The following DMTF1 variants were observed in gnomAD, a reference collection of about 807,000 sequenced individuals.
DMTF1 encodes cyclin-D-binding Myb-like transcription factor 1.
In DMTF1, 39 loss-of-function variants were observed where a neutral mutation model predicts 91.1. The ratio of observed to expected loss-of-function variants is 0.43; its 90% CI spans 0.33 to 0.56. The LOEUF (loss-of-function observed/expected upper bound fraction) is 0.56. Ranked by LOEUF, DMTF1 falls within the 20% of genes least tolerant of loss-of-function variation. DMTF1 has a pLI of 0.05. For synonymous variants in DMTF1, 338 were observed against 309.5 expected, an observed-to-expected ratio of 1.09 and a Z score of -0.97; for missense variants, 750 against 914.5, an observed-to-expected ratio of 0.82 and a Z score of 2.32.
chr7:87,161,093 C>G (rs758061492), intron 1 of DMTF1, among the ~76,000 whole-genome samples: 2 of 151,992 alleles, frequency 1.3e-5, no homozygotes, highest in Non-Finnish European at 2.9e-5. Context: ...GAATCTTGAA[C>G]TGTGTGTGTT....
intron 11 of DMTF1, 144 bp downstream of exon 11, chr7:87,184,769 T>G (rs1798050823): frequency 1.3e-6 from 1 of 769,928 alleles, no homozygotes; most frequent in South Asian, 1.5e-5. Context: ...ATCTTAAGTA[T>G]TTCATATTGA....
rs1208952189 is a variant in DMTF1 at position 87,194,093 on chromosome 7, T to C, written c.2019T>C (p.Tyr673=). 6.3e-6 allele frequency: 10 copies of C among 1,587,618 alleles called. No homozygotes were observed. Among genetic ancestry groups the C allele is most frequent in the South Asian group, 4.6e-5 (4 of 86,470 alleles). ...EESPSDLASA[Y]VTEGLESPTI... ...CACCCTCTGATTTAGCCAGTGCTTA[T>C]GTTACTGAGGTAAGTTGTACTTTAA... The change falls in exon 16 of 18, where the codon TAT becomes TAC. Residue 673 remains tyrosine (Y), a synonymous_variant. Coordinates refer to ENST00000331242, the MANE Select transcript of DMTF1 (RefSeq NM_001142327.2).
At chr7:87,178,300 T>G (rs1465175453) in intron 7 of DMTF1, among the ~76,000 whole-genome samples, 1 of 152,106 alleles carries the variant, frequency 6.6e-6, no homozygotes, top group Non-Finnish European at 1.5e-5. Context: ...TCTAGCAACC[T>G]TGCTAAAATT....
At chr7:87,153,643 A>G (rs1584127975) in intron 1 of DMTF1, among the ~76,000 whole-genome samples, 1 of 152,110 alleles carries the variant, frequency 6.6e-6, no homozygotes, top group Admixed American at 6.5e-5. Flanking sequence ...TTTAATGTAC[A>G]TGGATTTGAT....
Position 87,193,858 on chromosome 7 carries a change from T to G in DMTF1, c.1784T>G (p.Ile595Ser). Residue 595 changes from isoleucine to serine, a missense_variant, in exon 16 of 18, where the codon ATT becomes AGT. Transcript: ENST00000331242. ...GCAGAACTGACAGTCGATAGTGATATTCAGTCATCTGATTTTCCTGAGCCT... is the reference window on the plus strand; with the variant it reads ...GCAGAACTGACAGTCGATAGTGATAGTCAGTCATCTGATTTTCCTGAGCCT... Reference protein sequence around the residue: ...SQAELTVDSDIQSSDFPEPPD... With the variant: ...SQAELTVDSDSQSSDFPEPPD... 2 of 1,613,452 alleles carry G rather than the reference T, an allele frequency of 1.2e-6. No homozygotes were observed. The highest frequency in any genetic ancestry group is 1.7e-6 in the Non-Finnish European group (2 of 1,179,628).
At chr7:87,157,531 A>T (rs962594208) in intron 1 of DMTF1, among the ~76,000 whole-genome samples, 37 of 152,274 alleles carry the variant, frequency 2.4e-4, no homozygotes, top group African/African-American at 8.7e-4. Context: ...AAGATATTCA[A>T]CACTTAAATG....
intron 7 of DMTF1, among the ~76,000 whole-genome samples, chr7:87,175,024 G>GTTT (rs1277996073): frequency 7.2e-6 from 1 of 138,214 alleles, no homozygotes; most frequent in African/African-American, 2.6e-5. Context: ...TTTTGTTTTT[G>GTTT]TTTTTTTTTT....
intron 7 of DMTF1, among the ~76,000 whole-genome samples, chr7:87,177,914 AATCCCAAT>A (rs1796576780): frequency 6.6e-6 from 1 of 152,140 alleles, no homozygotes; most frequent in African/African-American, 2.4e-5. Flanking sequence ...TGTCTTCAGA[AATCCCAAT>A]ATCTGATGGG....
At chr7:87,167,170 A>C (rs1490527923) in intron 4 of DMTF1, among the ~76,000 whole-genome samples, 1 of 152,252 alleles carries the variant, frequency 6.6e-6, no homozygotes, top group Non-Finnish European at 1.5e-5. Context: ...CCAATGCCAT[A>C]TTGCCTCTTC....
chr7:87,177,711 A>G (rs1020027575), intron 7 of DMTF1, among the ~76,000 whole-genome samples: 2 of 152,170 alleles, frequency 1.3e-5, no homozygotes. Flanking sequence ...ATTATCTTGT[A>G]AAAGTTTTAT....
intron 4 of DMTF1, among the ~76,000 whole-genome samples, chr7:87,169,572 C>CA (rs112463753): frequency 0.037 from 5,610 of 152,292 alleles, 126 homozygotes; most frequent in East Asian, 0.064. Flanking sequence ...TTCCTTTCCT[C>CA]TTTTTCCTTA....
chr7:87,159,528 T>C (rs892310814), intron 1 of DMTF1, among the ~76,000 whole-genome samples: 1 of 152,232 alleles, frequency 6.6e-6, no homozygotes, highest in Non-Finnish European at 1.5e-5. Context: ...GCTAAGGTAT[T>C]GTGCTATTTA....
At position 87,182,288 on chromosome 7, in the gene DMTF1, A is replaced by T. The variant is rs778758800; in HGVS notation, c.771A>T (p.Ala257=). 6.2e-7 allele frequency: 1 copy of T among 1,614,160 alleles called. No individual in the cohort carries two copies. The highest frequency in any genetic ancestry group is 8.5e-7 in the Non-Finnish European group (1 of 1,179,994). ...TAGGGGCGGCGCTAGGAAGAAGTGC[A>T]TCTTCTGTCAAAGATCGGTGCCGAC... is the stretch of plus-strand genomic sequence containing the variant. ...ATIGAALGRS[A]SSVKDRCRLM... The change falls in exon 10 of 18, where the codon GCA becomes GCT. Residue 257 remains alanine (A), a synonymous_variant. Transcript: ENST00000331242.
At chr7:87,177,204 ATTATT>A (rs1052232428) in intron 7 of DMTF1, among the ~76,000 whole-genome samples, 29 of 152,256 alleles carry the variant, frequency 1.9e-4, no homozygotes, top group Admixed American at 1.9e-3. Flanking sequence ...GTAACTCAGT[ATTATT>A]TTAATATCCT....
rs1800498429 is a variant in DMTF1 at position 87,193,797 on chromosome 7, G to A, written c.1723G>A (p.Val575Ile). The change falls in exon 16 of 18, where the codon GTT (valine) becomes ATT (isoleucine). Residue 575 changes from valine (V) to isoleucine (I), a missense_variant. By Grantham distance (29) the Val-to-Ile change is conservative. Transcript: ENST00000331242. Reference protein sequence around the residue: ...CHTPRVIIQTVATEDITSSIS... With the variant: ...CHTPRVIIQTIATEDITSSIS... ...CACACCAAGAGTCATCATTCAGACTGTTGCCACAGAGGACATCACTTCTTC... is the reference window on the plus strand; with the variant it reads ...CACACCAAGAGTCATCATTCAGACTATTGCCACAGAGGACATCACTTCTTC... 4 of 1,612,980 alleles carry A rather than the reference G, an allele frequency of 2.5e-6. No homozygotes were observed. The highest frequency in any genetic ancestry group is 3.4e-6 in the Non-Finnish European group (4 of 1,179,308).
At chr7:87,171,771 TAA>T (rs1345153063) in intron 5 of DMTF1, among the ~76,000 whole-genome samples, 11 of 152,166 alleles carry the variant, frequency 7.2e-5, no homozygotes, top group African/African-American at 2.2e-4. Context: ...TAAAATACTC[TAA>T]GACTGATTAA....
At chr7:87,186,019 T>G (rs755931954) in intron 12 of DMTF1, 39 bp downstream of exon 12, 2 of 1,608,160 alleles carry the variant, frequency 1.2e-6, no homozygotes, top group South Asian at 2.2e-5. Flanking sequence ...TCCCCTTTTC[T>G]TACCATATTT....
chr7:87,173,691 T>C (rs370775446), intron 6 of DMTF1, 42 bp downstream of exon 6: 1 of 1,356,522 alleles, frequency 7.4e-7, no homozygotes, highest in Admixed American at 1.8e-5. Flanking sequence ...TGAAAAAAAA[T>C]GGAGATAGAA....
intron 3 of DMTF1, among the ~76,000 whole-genome samples, chr7:87,165,598 A>C (rs933408457): frequency 1.3e-5 from 2 of 152,206 alleles, no homozygotes; most frequent in African/African-American, 4.8e-5. Flanking sequence ...ATTTAATTCA[A>C]AGTTAGGATT....
Sources: gnomAD v4.1 joint callset for allele counts (sites outside exome capture counted in the v4.1 genomes callset) on GRCh38, gnomAD v4.1.1 for gene constraint, MANE v1.5 for transcripts, NCBI Gene and HGNC (gene_info 2026-07-23, HGNC 2026-07-21) for gene names.